DOLPP1: variants seen among roughly 807,000 people sequenced by gnomAD.
The protein encoded by DOLPP1 is dolichyldiphosphatase 1, also known as dolichyl pyrophosphate phosphatase 1.
DOLPP1 carries 15 observed loss-of-function variants against 34.1 expected under a neutral mutation model. The observed-to-expected ratio is 0.44, with a 90% confidence interval of 0.29 to 0.68. DOLPP1 has a LOEUF of 0.68. Ranked by LOEUF, DOLPP1 falls within the 30% of genes least tolerant of loss-of-function variation. DOLPP1 has a pLI of 0.12. For missense variants in DOLPP1, 249 were observed against 307.1 expected (o/e 0.81, Z 1.41); for synonymous variants, 130 against 128.2 (o/e 1.01, Z -0.10).
chr9:129,086,568 C>G (rs1846993990), intron 6 of DOLPP1, 141 bp from the exon 7 acceptor site: 1 of 900,178 alleles, frequency 1.1e-6, no homozygotes. Context: ...CTCTCAGTGG[C>G]TCTGGGGTCT....
In DOLPP1 at chr9:129,089,063, G is replaced by C; in HGVS notation, c.*56G>C. On this transcript the variant is annotated 3_prime_UTR_variant, in exon 8 of 8. Transcript: ENST00000372546. This position sits in a 1 kb window ranked among gnomAD's most constrained non-coding sequence, Gnocchi z 4.9. ...ATCTGGCCCGCACGATGCCTTGCAG[G>C]ATGGACAGGATGACAGACAGGGACG... 6.4e-7 allele frequency: 1 copy of C among 1,574,776 alleles called. No individual in the cohort carries two copies. Among genetic ancestry groups the C allele is most frequent in the Non-Finnish European group, 8.7e-7 (1 of 1,145,592 alleles).
In DOLPP1 at chr9:129,081,118, G is replaced by A. The variant is rs1202029957; in HGVS notation, c.-14G>A. The A allele has an allele frequency of 6.2e-7, 1 of 1,606,062 alleles. No individual in the cohort carries two copies. Among genetic ancestry groups the A allele is most frequent in the African/African-American group, 1.3e-5 (1 of 74,720 alleles). Reference sequence around the variant, plus strand: ...CCCCATTGGCTGCTCGAAGAAGCCCGGTCTCCGGGTAAGATGGCAGCGGAC... The same window carrying A: ...CCCCATTGGCTGCTCGAAGAAGCCCAGTCTCCGGGTAAGATGGCAGCGGAC... On this transcript the variant is annotated 5_prime_UTR_variant, in exon 1 of 8. Coordinates refer to ENST00000372546, the MANE Select transcript of DOLPP1 (RefSeq NM_020438.5).
chr9:129,081,787 A>G (rs1846894581), intron 1 of DOLPP1, among the ~76,000 whole-genome samples: 1 of 152,184 alleles, frequency 6.6e-6, no homozygotes, highest in Non-Finnish European at 1.5e-5. Flanking sequence ...GTTGCTTCCC[A>G]TCAGACACAC....
In DOLPP1 at chr9:129,089,803, A is replaced by G. The variant is rs1847063127; in HGVS notation, c.*796A>G. On this transcript the variant is annotated 3_prime_UTR_variant, in exon 8 of 8. Transcript: ENST00000372546. The surrounding 1 kb of genome is among the most constrained non-coding windows in gnomAD (Gnocchi z 4.9). ...GTTTACAGCTCTTTCTTGTCCTGCC[A>G]TCCAGTAGCAGTTAGTCTTCATCCC... 1 of 152,748 alleles carries G rather than the reference A, an allele frequency of 6.5e-6. No homozygotes were observed. Among genetic ancestry groups the G allele is most frequent in the East Asian group, 1.9e-4 (1 of 5,192 alleles). 9.5% of individuals were successfully genotyped at this position (152,748 alleles called of 1,614,324 possible).
At chr9:129,084,599 T>A in intron 1 of DOLPP1, 69 bp from the exon 2 acceptor site, 1 of 1,158,902 alleles carries the variant, frequency 8.6e-7, no homozygotes, top group Non-Finnish European at 1.3e-6. Context: ...CAGGCCTTAC[T>A]TGTAGGGGGC....
Position 129,089,164 on chromosome 9 carries a change from G to A in DOLPP1, c.*157G>A. 2 of 692,958 alleles carry A rather than the reference G, an allele frequency of 2.9e-6. No individual in the cohort carries two copies. The highest frequency in any genetic ancestry group is 3.9e-5 in the South Asian group (2 of 51,552). The allele number at this position is 692,958 out of a possible 1,614,324, so 42.9% of individuals were successfully genotyped here. ...TTATTTTAATTTTAATGAACAAGGT[G>A]GACCAAAGGGCTGAACCAGCCCCTC... On this transcript the variant is annotated 3_prime_UTR_variant, in exon 8 of 8. Coordinates refer to ENST00000372546, the MANE Select transcript of DOLPP1 (RefSeq NM_020438.5). The surrounding 1 kb of genome is among the most constrained non-coding windows in gnomAD (Gnocchi z 4.9).
At chr9:129,083,216 GA>G (rs1228596300) in intron 1 of DOLPP1, among the ~76,000 whole-genome samples, 1 of 152,166 alleles carries the variant, frequency 6.6e-6, no homozygotes. Flanking sequence ...AGAGAGTAGA[GA>G]GGCCAGAGTC....
intron 7 of DOLPP1, 127 bp from the exon 8 acceptor site, chr9:129,088,844 C>A: frequency 1.1e-6 from 1 of 893,066 alleles, no homozygotes; most frequent in Non-Finnish European, 1.8e-6. Context: ...TGGCCCAGTT[C>A]AGGTCAATCG....
At position 129,089,179 on chromosome 9, in the gene DOLPP1, A is replaced by T; in HGVS notation, c.*172A>T. ...TGAACAAGGTGGACCAAAGGGCTGA[A>T]CCAGCCCCTCAACCAGGACCCTGGG... On this transcript the variant is annotated 3_prime_UTR_variant, in exon 8 of 8. Transcript: ENST00000372546. The surrounding 1 kb of genome is among the most constrained non-coding windows in gnomAD (Gnocchi z 4.9). The T allele has an allele frequency of 1.6e-6, 1 of 606,772 alleles. No homozygotes were observed. The highest frequency in any genetic ancestry group is 2.8e-6 in the Non-Finnish European group (1 of 359,674). 37.6% of individuals were successfully genotyped at this position (606,772 alleles called of 1,614,324 possible).
At position 129,085,447 on chromosome 9, in the gene DOLPP1, G is replaced by T; in HGVS notation, c.363-71G>T. The T allele has an allele frequency of 6.4e-7, 1 of 1,553,162 alleles. No homozygotes were observed. On this transcript the variant is annotated intron_variant, in intron 4 of 7. Transcript: ENST00000372546. This position sits in a 1 kb window ranked among gnomAD's most constrained non-coding sequence, Gnocchi z 7.0. ...AAGGTACCCAGGGAGCATTTGGATGGGGCCAGGGACTGTTTGGGAGGCCTG... is the reference window on the plus strand; with the variant it reads ...AAGGTACCCAGGGAGCATTTGGATGTGGCCAGGGACTGTTTGGGAGGCCTG...
Position 129,086,244 on chromosome 9 carries a change from G to A in DOLPP1, c.567G>A (p.Pro189=), listed in dbSNP as rs1237873585. ...WFIFTQEVLT[P]LFPRIAAWPV... ...TCTTCACCCAGGAGGTCCTCACCCC[G>A]CTGTTCCCCAGGATAGCAGCCTGGT... Residue 189 remains proline, a synonymous_variant, in exon 6 of 8, where the codon CCG becomes CCA. Transcript: ENST00000372546. 4 of 1,613,260 alleles carry A rather than the reference G, an allele frequency of 2.5e-6. No homozygotes were observed. Among genetic ancestry groups the A allele is most frequent in the Admixed American group, 1.7e-5 (1 of 59,980 alleles).
At chr9:129,084,803 C>T (rs1473200583) in intron 2 of DOLPP1, 35 bp downstream of exon 2, 2 of 1,438,938 alleles carry the variant, frequency 1.4e-6, no homozygotes, top group Non-Finnish European at 2.0e-6. Context: ...CCCCACCCCA[C>T]CCCCAGTGCC....
Position 129,086,883 on chromosome 9 carries a change from C to T in DOLPP1, c.680+85C>T, listed in dbSNP as rs143355922. The T allele has an allele frequency of 1.3e-4, 156 of 1,187,816 alleles. 1 individual carries two copies. Among genetic ancestry groups the T allele is most frequent in the Admixed American group, 5.2e-4 (30 of 57,952 alleles). The allele number at this position is 1,187,816 out of a possible 1,614,324, so 73.6% of individuals were successfully genotyped here. A position where few individuals can be genotyped will look rare whatever the true frequency, so the allele number is the denominator to read the frequency against. On this transcript the variant is annotated intron_variant, in intron 7 of 7. Transcript: ENST00000372546. Reference sequence around the variant, plus strand: ...TTTGGAGGGCTCTCCGGGAGCCTCGCGCCTGCCTAAGCACTTCTCTTGCAT... The same window carrying T: ...TTTGGAGGGCTCTCCGGGAGCCTCGTGCCTGCCTAAGCACTTCTCTTGCAT...
chr9:129,087,563 G>A (rs1242741165), intron 7 of DOLPP1, among the ~76,000 whole-genome samples: 2 of 152,254 alleles, frequency 1.3e-5, no homozygotes, highest in South Asian at 2.1e-4. Context: ...TGATCCACCC[G>A]CCTCGGCCTT....
chr9:129,084,447 G>A (rs540373826), intron 1 of DOLPP1, among the ~76,000 whole-genome samples: 18 of 152,360 alleles, frequency 1.2e-4, no homozygotes, highest in African/African-American at 3.6e-4. Flanking sequence ...TGCTTTAAAC[G>A]CATGCTGTGT....
chr9:129,081,250 G>C (rs745973715), intron 1 of DOLPP1, 43 bp downstream of exon 1: 6 of 1,601,654 alleles, frequency 3.7e-6, no homozygotes, highest in Non-Finnish European at 5.1e-6. Context: ...CCCAGGGACG[G>C]CCTCTCAGTC....
At position 129,089,693 on chromosome 9, in the gene DOLPP1, A is replaced by G. The variant is rs1847060862; in HGVS notation, c.*686A>G. On this transcript the variant is annotated 3_prime_UTR_variant, in exon 8 of 8. Coordinates refer to ENST00000372546, the MANE Select transcript of DOLPP1 (RefSeq NM_020438.5). The surrounding 1 kb of genome is among the most constrained non-coding windows in gnomAD (Gnocchi z 4.9). ...TACCCCGTACTGACCCAACACCACA[A>G]GGGCTTTCTCTGGTCCCCTGTCCCT... 6.5e-6 allele frequency: 1 copy of G among 152,748 alleles called. No homozygotes were observed. Among genetic ancestry groups the G allele is most frequent in the South Asian group, 2.1e-4 (1 of 4,832 alleles). 9.5% of individuals were successfully genotyped at this position (152,748 alleles called of 1,614,324 possible). A position where few individuals can be genotyped will look rare whatever the true frequency, so the allele number is the denominator to read the frequency against.
intron 1 of DOLPP1, among the ~76,000 whole-genome samples, chr9:129,084,075 G>A (rs992626680): frequency 6.6e-6 from 1 of 152,232 alleles, no homozygotes; most frequent in Non-Finnish European, 1.5e-5. Context: ...TGTTACCGTC[G>A]CCCTATTGGG....
At chr9:129,081,250 G>T in intron 1 of DOLPP1, 43 bp downstream of exon 1, 1 of 1,601,768 alleles carries the variant, frequency 6.2e-7, no homozygotes, top group Non-Finnish European at 8.5e-7. Context: ...CCCAGGGACG[G>T]CCTCTCAGTC....
Sources: gnomAD v4.1 joint callset for allele counts (sites outside exome capture counted in the v4.1 genomes callset) on GRCh38, gnomAD v4.1.1 for gene constraint, Gnocchi (gnomAD v3.1) non-coding constraint, MANE v1.5 for transcripts, NCBI Gene and HGNC (gene_info 2026-07-23, HGNC 2026-07-21) for gene names.